Variants in OLFM3 observed in about 807,000 individuals in gnomAD.
OLFM3 encodes olfactomedin 3.
Under a neutral mutation model 48.6 loss-of-function variants are expected in OLFM3, and 20 were observed. The ratio of observed to expected loss-of-function variants is 0.41; its 90% CI spans 0.29 to 0.60. OLFM3 has a LOEUF of 0.60. OLFM3 is among the 20% of genes least tolerant of loss of function. OLFM3 has a pLI of 0.28. For synonymous variants in OLFM3, 222 were observed against 198.1 expected (o/e 1.12, Z -1.01); for missense variants, 437 against 544.3 (o/e 0.80, Z 1.96).
At position 101,933,249 on chromosome 1, in the gene OLFM3, G is replaced by A. The variant is rs373168628; in HGVS notation, c.69+63499C>T. ...AAAAAAGAGAAAAAAGATGAAATGG[G>A]AATTTTGAGAAAGAAACAAACTAGT... is the stretch of plus-strand genomic sequence containing the variant. On this transcript the variant is annotated intron_variant, in intron 1 of 5. Coordinates refer to ENST00000370103, the MANE Select transcript of OLFM3 (RefSeq NM_058170.4). Among the ~76,000 whole-genome samples the A allele has an allele frequency of 1.4e-4, 20 of 144,382 alleles. 2 individuals carry two copies. The South Asian group carries it at 4.4e-3, about 32-fold the overall frequency. 94.7% of individuals were successfully genotyped at this position (144,382 alleles called of 152,430 possible).
chr1:101,958,729 C>A (rs1660375581), intron 1 of OLFM3, among the ~76,000 whole-genome samples: 1 of 151,126 alleles, frequency 6.6e-6, no homozygotes, highest in African/African-American at 2.4e-5. Flanking sequence ...TTTTTTTCCT[C>A]TCAAATAGAG....
intron 1 of OLFM3, among the ~76,000 whole-genome samples, chr1:101,980,764 G>T (rs746655442): frequency 2.6e-5 from 4 of 152,056 alleles, no homozygotes; most frequent in African/African-American, 7.2e-5. Context: ...AATTTGTGTC[G>T]AATGCCCTCC....
In OLFM3 at chr1:101,838,327, G is replaced by A. The variant is rs138736442; in HGVS notation, c.70-1302C>T. Among the ~76,000 whole-genome samples, 1,407 of 152,254 alleles carry A rather than the reference G, an allele frequency of 9.2e-3. 12 individuals carry two copies. Among genetic ancestry groups the A allele is most frequent in the South Asian group, 0.019 (90 of 4,822 alleles). On this transcript the variant is annotated intron_variant, in intron 1 of 5. Transcript: ENST00000370103. ...AACCGCCTCGGCCTCCCAAAGTGCC[G>A]GGATAACAGGCATGAACCACTGCAA...
At chr1:101,978,144 T>C (rs749547818) in intron 1 of OLFM3, among the ~76,000 whole-genome samples, 6 of 152,126 alleles carry the variant, frequency 3.9e-5, no homozygotes, top group Admixed American at 6.5e-5. Context: ...TTCATGTTTA[T>C]GTAGTCCCTT....
At chr1:101,991,635 T>C (rs1452485387) in intron 1 of OLFM3, among the ~76,000 whole-genome samples, 1 of 151,360 alleles carries the variant, frequency 6.6e-6, no homozygotes, top group East Asian at 1.9e-4. Flanking sequence ...GAAAACAAGT[T>C]TTTACTTTAC....
chr1:101,989,166 C>G (rs1438763892), intron 1 of OLFM3, among the ~76,000 whole-genome samples: 1 of 152,000 alleles, frequency 6.6e-6, no homozygotes, highest in Non-Finnish European at 1.5e-5. Context: ...GGGAAAAAAG[C>G]TTTCCAGGGA....
chr1:101,824,369 G>A (rs773248956), intron 4 of OLFM3, among the ~76,000 whole-genome samples: 7 of 152,080 alleles, frequency 4.6e-5, no homozygotes, highest in East Asian at 3.9e-4. Flanking sequence ...TGGATATCAC[G>A]AAAGAGTTTG....
chr1:101,971,007 G>T (rs1660768655), intron 1 of OLFM3, among the ~76,000 whole-genome samples: 1 of 152,206 alleles, frequency 6.6e-6, no homozygotes, highest in Non-Finnish European at 1.5e-5. Context: ...GCCTCTATAT[G>T]CCATATAAAG....
intron 1 of OLFM3, among the ~76,000 whole-genome samples, chr1:101,884,638 T>A (rs1657673371): frequency 6.6e-6 from 1 of 152,008 alleles, no homozygotes; most frequent in African/African-American, 2.4e-5. Context: ...TAATCAGGAC[T>A]GCCCTATTAA....
chr1:101,863,603 C>T (rs1252988611), intron 1 of OLFM3, among the ~76,000 whole-genome samples: 1 of 152,066 alleles, frequency 6.6e-6, no homozygotes, highest in East Asian at 1.9e-4. Flanking sequence ...TGTGATGAGC[C>T]TAGATCAGGA....
rs549119027 is a variant in OLFM3, at chr1:101,982,624, C to G, written c.69+14124G>C. 3.3e-5 allele frequency among the ~76,000 whole-genome samples: 5 copies of G among 152,280 alleles called. No homozygotes were observed. In the South Asian group the frequency reaches 1.0e-3, roughly 32 times the overall value. Reference sequence around the variant, plus strand: ...AGTAACTTCCCTAATGTGTGTGGGCCTCTTCCAATCTGGTGCAGGCCTGCA... The same window carrying G: ...AGTAACTTCCCTAATGTGTGTGGGCGTCTTCCAATCTGGTGCAGGCCTGCA... On this transcript the variant is annotated intron_variant, in intron 1 of 5. Coordinates refer to ENST00000370103, the MANE Select transcript of OLFM3 (RefSeq NM_058170.4).
intron 1 of OLFM3, among the ~76,000 whole-genome samples, chr1:101,973,090 A>T (rs1301802260): frequency 6.6e-6 from 1 of 152,236 alleles, no homozygotes; most frequent in East Asian, 1.9e-4. Flanking sequence ...GGGTCTTCAG[A>T]AAAACAGAAC....
intron 4 of OLFM3, among the ~76,000 whole-genome samples, chr1:101,815,318 G>A (rs923454723): frequency 3.3e-5 from 5 of 151,846 alleles, no homozygotes; most frequent in East Asian, 1.9e-4. Context: ...GTAGTGGCGG[G>A]CACCTGTAGT....
At chr1:101,952,054 T>G (rs1398300535) in intron 1 of OLFM3, among the ~76,000 whole-genome samples, 1 of 152,108 alleles carries the variant, frequency 6.6e-6, no homozygotes, top group African/African-American at 2.4e-5. Flanking sequence ...AACTATCTGA[T>G]TAACTTTCTC....
intron 1 of OLFM3, among the ~76,000 whole-genome samples, chr1:101,866,449 T>A (rs1473320253): frequency 6.6e-6 from 1 of 152,012 alleles, no homozygotes; most frequent in Non-Finnish European, 1.5e-5. Flanking sequence ...ATGCCACATC[T>A]TTTTTTAGCT....
intron 1 of OLFM3, among the ~76,000 whole-genome samples, chr1:101,884,692 T>C (rs1657676070): frequency 6.6e-6 from 1 of 152,006 alleles, no homozygotes; most frequent in Admixed American, 6.6e-5. Flanking sequence ...AGTCTTTTGG[T>C]TGTACAATAA....
rs1251743509 is a variant in OLFM3 at position 101,804,834 on chromosome 1, A to T, written c.781T>A (p.Ser261Thr). 1 of 1,612,516 alleles carries T rather than the reference A, an allele frequency of 6.2e-7. No homozygotes were observed. Among genetic ancestry groups the T allele is most frequent in the South Asian group, 1.1e-5 (1 of 91,062 alleles). Residue 261 changes from serine to threonine, a missense_variant, in exon 6 of 6, where the codon TCA becomes ACA. Around this residue, in one of 3 missense-constraint regions of OLFM3, gnomAD observed 314 missense variants for 365.5 expected, o/e 0.86. Transcript: ENST00000370103. The surrounding 1 kb of genome is among the most constrained non-coding windows in gnomAD (Gnocchi z 4.5). ...SIADFVSGAE[S>T]RTYNLPFKWA... ...TTGAAAGGAAGGTTGTATGTCCTTG[A>T]TTCAGCCCCACTGACAAAGTCTGCA...
At chr1:101,987,813 TG>T (rs777530017) in intron 1 of OLFM3, among the ~76,000 whole-genome samples, 24 of 152,112 alleles carry the variant, frequency 1.6e-4, no homozygotes, top group Non-Finnish European at 2.9e-4. Flanking sequence ...GTCCTCCCTT[TG>T]GGGTTATATA....
At chr1:101,958,982 T>C (rs1660385001) in intron 1 of OLFM3, among the ~76,000 whole-genome samples, 1 of 151,962 alleles carries the variant, frequency 6.6e-6, no homozygotes, top group Non-Finnish European at 1.5e-5. Context: ...TGCTGTACAA[T>C]AGATTTGCAG....
Sources: gnomAD v4.1 joint callset for allele counts (sites outside exome capture counted in the v4.1 genomes callset) on GRCh38, gnomAD v4.1.1 for gene constraint, gnomAD v4.1.1 regional missense constraint, Gnocchi (gnomAD v3.1) non-coding constraint, MANE v1.5 for transcripts, NCBI Gene and HGNC (gene_info 2026-07-23, HGNC 2026-07-21) for gene names.